The following VCAN variants were observed in gnomAD, a reference collection of about 807,000 sequenced individuals.
The protein encoded by VCAN is versican core protein.
A neutral mutation model predicts 245.5 loss-of-function variants in VCAN; 44 were observed. The ratio of observed to expected loss-of-function variants is 0.18; its 90% CI spans 0.14 to 0.23. VCAN has a LOEUF of 0.23. Among genes scored for constraint, VCAN ranks in the 10% least tolerant of loss-of-function variants. VCAN has a pLI of 1.00. For synonymous variants in VCAN, 1,413 were observed against 1,437.0 expected, an observed-to-expected ratio of 0.98 and a Z score of 0.38; for missense variants, 3,793 against 4,057.9, an observed-to-expected ratio of 0.93 and a Z score of 1.77.
chr5:83,473,448 C>T (rs987762856), intron 1 of VCAN, among the ~76,000 whole-genome samples: 2 of 152,152 alleles, frequency 1.3e-5, no homozygotes, highest in African/African-American at 4.8e-5. Flanking sequence ...CTCTGGGTCG[C>T]GTTCCTCATC....
Position 83,537,593 on chromosome 5 carries a change from T to C in VCAN, c.4590T>C (p.Gly1530=). The C allele has an allele frequency of 2.5e-6, 4 of 1,613,818 alleles. No individual in the cohort carries two copies. Among genetic ancestry groups the C allele is most frequent in the Non-Finnish European group, 3.4e-6 (4 of 1,179,898 alleles). ...TCACAGAGAGAGATACTGAAGTTGG[T>C]CATCAGGCACATGAACATACTGAAC... ...ESVTERDTEV[G]HQAHEHTEPV... Residue 1530 remains glycine, a synonymous_variant, in exon 8 of 15, where the codon GGT becomes GGC. Coordinates refer to ENST00000265077, the MANE Select transcript of VCAN (RefSeq NM_004385.5).
At position 83,541,814 on chromosome 5, in the gene VCAN, T is replaced by G. The variant is rs750820303; in HGVS notation, c.8811T>G (p.Asp2937Glu). The change falls in exon 8 of 15, where the codon GAT becomes GAG. Residue 2937 changes from aspartate (D) to glutamate (E), a missense_variant. By Grantham distance (45) the Asp-to-Glu change is conservative (BLOSUM62 2). This residue lies in a region of VCAN where 3,182 missense variants were observed against 3,250.3 expected (regional missense o/e 0.98). Coordinates refer to ENST00000265077, the MANE Select transcript of VCAN (RefSeq NM_004385.5). ...EILQDFQNKT[D>E]GQVSGEAIKM... The stretch of plus-strand genomic sequence containing the variant: ...TCCAAGATTTCCAAAACAAAACCGA[T>G]GGTCAAGTTTCTGGAGAAGCAATCA... The G allele has an allele frequency of 1.2e-6, 2 of 1,614,048 alleles. No individual in the cohort carries two copies. The highest frequency in any genetic ancestry group is 1.7e-6 in the Non-Finnish European group (2 of 1,179,970).
At chr5:83,494,934 T>C (rs952533740) in intron 5 of VCAN, among the ~76,000 whole-genome samples, 4 of 152,082 alleles carry the variant, frequency 2.6e-5, no homozygotes, top group Non-Finnish European at 5.9e-5. Context: ...CTGAGGAGAT[T>C]GCGCCACAGC....
At chr5:83,476,727 C>A (rs1176907796) in intron 1 of VCAN, among the ~76,000 whole-genome samples, 1 of 151,898 alleles carries the variant, frequency 6.6e-6, no homozygotes, top group Non-Finnish European at 1.5e-5. Flanking sequence ...TTTTTAAACA[C>A]TGCTAAGTTC....
chr5:83,568,513 T>C (rs1209387718), intron 12 of VCAN, among the ~76,000 whole-genome samples: 2 of 152,182 alleles, frequency 1.3e-5, no homozygotes, highest in African/African-American at 4.8e-5. Context: ...TCTGGGCAGT[T>C]TGAGCCCCGA....
chr5:83,503,542 G>A (rs1409775370), intron 5 of VCAN, among the ~76,000 whole-genome samples: 1 of 152,158 alleles, frequency 6.6e-6, no homozygotes, highest in East Asian at 1.9e-4. Context: ...AAAAGAGCAG[G>A]GAGTGCTGCT....
At chr5:83,511,788 T>C (rs973456586) in intron 5 of VCAN, among the ~76,000 whole-genome samples, 40 of 152,104 alleles carry the variant, frequency 2.6e-4, no homozygotes, top group African/African-American at 8.9e-4. Flanking sequence ...ATCTAAAGAA[T>C]CACTCAGAAG....
chr5:83,478,818 A>T (rs1328830565), intron 1 of VCAN, among the ~76,000 whole-genome samples: 1 of 152,226 alleles, frequency 6.6e-6, no homozygotes, highest in Non-Finnish European at 1.5e-5. Flanking sequence ...AACATCAAAG[A>T]CTGCTCTGTT....
chr5:83,493,145 T>TA (rs1475101202), intron 3 of VCAN, among the ~76,000 whole-genome samples: 12 of 152,262 alleles, frequency 7.9e-5, no homozygotes, highest in Non-Finnish European at 8.8e-5. Flanking sequence ...TGACCCCGGA[T>TA]AAAGTCCTGA....
intron 4 of VCAN, 33 bp from the exon 5 acceptor site, chr5:83,493,771 A>G (rs1745060025): frequency 6.2e-7 from 1 of 1,614,008 alleles, no homozygotes; most frequent in Non-Finnish European, 8.5e-7. Flanking sequence ...GAGTGAGAAG[A>G]AAGTGCCACT....
intron 11 of VCAN, 136 bp downstream of exon 11, chr5:83,553,658 TA>T (rs1159960189): frequency 8.3e-7 from 1 of 1,198,786 alleles, no homozygotes; most frequent in Non-Finnish European, 1.2e-6. Flanking sequence ...GTGAATTACT[TA>T]AAATCATCTC....
chr5:83,529,279 C>T (rs1273149324), intron 7 of VCAN, among the ~76,000 whole-genome samples: 3 of 148,388 alleles, frequency 2.0e-5, no homozygotes, highest in Non-Finnish European at 3.0e-5. Flanking sequence ...ACAGGAGGCA[C>T]TCTGTATCCA....
Position 83,522,196 on chromosome 5 carries a change from A to G in VCAN, c.3890A>G (p.Glu1297Gly), listed in dbSNP as rs1746136084. 1.2e-6 allele frequency: 2 copies of G among 1,606,678 alleles called. No individual in the cohort carries two copies. Among genetic ancestry groups the G allele is most frequent in the Non-Finnish European group, 1.7e-6 (2 of 1,179,898 alleles). ...ATQPTRPPTV[E>G]DKEAFGPQAL... ...CAGCCAACAAGACCACCCACTGTGG[A>G]AGACAAAGAGGCCTTTGGACCTCAG... Residue 1297 changes from glutamate (E) to glycine (G), a missense_variant, in exon 7 of 15, where the codon GAA becomes GGA. By Grantham distance (98) the Glu-to-Gly change is moderately conservative. Around this residue, in one of 5 missense-constraint regions of VCAN, gnomAD observed 3,182 missense variants for 3,250.3 expected, o/e 0.98. Coordinates refer to ENST00000265077, the MANE Select transcript of VCAN (RefSeq NM_004385.5).
intron 1 of VCAN, among the ~76,000 whole-genome samples, chr5:83,480,920 A>G (rs941621069): frequency 6.6e-6 from 1 of 152,214 alleles, no homozygotes; most frequent in African/African-American, 2.4e-5. Flanking sequence ...GAGTACTGAT[A>G]TATTGTATAT....
At chr5:83,477,356 G>T (rs33601) in intron 1 of VCAN, among the ~76,000 whole-genome samples, 1 of 151,934 alleles carries the variant, frequency 6.6e-6, no homozygotes, top group East Asian at 1.9e-4. Context: ...CAGAAGACAG[G>T]TTACAGAAAT....
At position 83,537,545 on chromosome 5, in the gene VCAN, A is replaced by T. The variant is rs774700771; in HGVS notation, c.4542A>T (p.Thr1514=). ...VPFHEEFESG[T]AKKGAESVTE... The stretch of plus-strand genomic sequence containing the variant: ...TCCATGAGGAATTTGAAAGTGGAAC[A>T]GCCAAAAAAGGGGCAGAATCAGTCA... Residue 1514 remains threonine (T), a synonymous_variant, in exon 8 of 15, where the codon ACA becomes ACT. Coordinates refer to ENST00000265077, the MANE Select transcript of VCAN (RefSeq NM_004385.5). 5 of 1,613,908 alleles carry T rather than the reference A, an allele frequency of 3.1e-6. No individual in the cohort carries two copies. In the South Asian group the frequency reaches 5.5e-5, roughly 18 times the overall value.
intron 5 of VCAN, among the ~76,000 whole-genome samples, chr5:83,509,726 C>T (rs1230722779): frequency 2.0e-5 from 3 of 152,198 alleles, no homozygotes; most frequent in Non-Finnish European, 2.9e-5. Context: ...ACGCTGCCTT[C>T]TTTACACTTG....
intron 6 of VCAN, among the ~76,000 whole-genome samples, chr5:83,517,163 A>G (rs1745882671): frequency 6.6e-6 from 1 of 152,198 alleles, no homozygotes; most frequent in African/African-American, 2.4e-5. Flanking sequence ...CAAACTCCAT[A>G]GTAATAATTG....
At position 83,474,517 on chromosome 5, in the gene VCAN, C is replaced by A. The variant is rs573571928; in HGVS notation, c.-7+2494C>A. Among the ~76,000 whole-genome samples the A allele has an allele frequency of 1.8e-4, 28 of 152,360 alleles. No individual in the cohort carries two copies. The South Asian group carries it at 4.8e-3, about 26-fold the overall frequency. On this transcript the variant is annotated intron_variant, in intron 1 of 14. Transcript: ENST00000265077. ...AGGGGCTGGGTCTGGGGCCCGCCCC[C>A]ACTCGCTCACCTCGCGCCAAGGGAG...
Sources: gnomAD v4.1 joint callset for allele counts (sites outside exome capture counted in the v4.1 genomes callset) on GRCh38, gnomAD v4.1.1 for gene constraint, gnomAD v4.1.1 regional missense constraint, MANE v1.5 for transcripts, NCBI Gene and HGNC (gene_info 2026-07-23, HGNC 2026-07-21) for gene names.